The following ARHGAP8 variants were observed in gnomAD, a reference collection of about 807,000 sequenced individuals.
The protein encoded by ARHGAP8 is Rho GTPase activating protein 8.
ARHGAP8 carries 62 observed loss-of-function variants against 46.1 expected under a neutral mutation model. The observed-to-expected ratio is 1.34, with a 90% CI of 1.10 to 1.66. The LOEUF is 1.66. ARHGAP8 is among the 40% of genes most tolerant of loss of function. The pLI is 0.00. For missense variants in ARHGAP8, 923 were observed against 568.4 expected, an observed-to-expected ratio of 1.62 and a Z score of -6.34; for synonymous variants, 375 against 243.1, an observed-to-expected ratio of 1.54 and a Z score of -5.05.
chr22:44,808,262 A>T (rs1209998512), intron 3 of ARHGAP8, 45 bp from the exon 4 acceptor site: 8 of 1,590,384 alleles, frequency 5.0e-6, no homozygotes, highest in Non-Finnish European at 6.0e-6. Flanking sequence ...GGTTTCAATA[A>T]TGAGTAGGTG....
chr22:44,788,613 C>G (rs753519717), intron 2 of ARHGAP8, among the ~76,000 whole-genome samples: 1 of 152,032 alleles, frequency 6.6e-6, no homozygotes, highest in Non-Finnish European at 1.5e-5. Flanking sequence ...AGGCTGGTCT[C>G]GAACTCCTGA....
chr22:44,753,261 T>C (rs1236658276), intron 1 of ARHGAP8, among the ~76,000 whole-genome samples: 1 of 151,228 alleles, frequency 6.6e-6, no homozygotes, highest in East Asian at 2.0e-4. Flanking sequence ...TCTTGCTCTG[T>C]CCCCAGGCTG....
intron 7 of ARHGAP8, among the ~76,000 whole-genome samples, chr22:44,832,404 T>G (rs1360930911): frequency 6.6e-6 from 1 of 151,984 alleles, no homozygotes; most frequent in Non-Finnish European, 1.5e-5. Context: ...TTTTGTATTT[T>G]TGGTAGAGAT....
At chr22:44,825,708 C>T (rs573854091) in intron 7 of ARHGAP8, 115 bp downstream of exon 7, 847 of 1,255,644 alleles carry the variant, frequency 6.7e-4, no homozygotes, top group Non-Finnish European at 8.5e-4. Context: ...CCAAGCTGAA[C>T]CCTGCAGGAA....
intron 5 of ARHGAP8, among the ~76,000 whole-genome samples, chr22:44,816,204 T>C (rs978974831): frequency 1.1e-4 from 17 of 152,266 alleles, no homozygotes; most frequent in Admixed American, 3.9e-4. Context: ...TCTCTTCTCG[T>C]GCCCCACAGA....
At chr22:44,817,260 T>C (rs1929820794) in intron 5 of ARHGAP8, among the ~76,000 whole-genome samples, 1 of 152,202 alleles carries the variant, frequency 6.6e-6, no homozygotes, top group Admixed American at 6.5e-5. Flanking sequence ...ACTGGGAGAA[T>C]TCCCAGAGCA....
chr22:44,781,125 A>C (rs1926817257), intron 1 of ARHGAP8, among the ~76,000 whole-genome samples: 1 of 152,132 alleles, frequency 6.6e-6, no homozygotes, highest in Non-Finnish European at 1.5e-5. Context: ...AAATAACCAG[A>C]GGCGATCTTA....
intron 7 of ARHGAP8, among the ~76,000 whole-genome samples, chr22:44,839,780 C>G (rs1391548583): frequency 6.6e-6 from 1 of 152,242 alleles, no homozygotes; most frequent in African/African-American, 2.4e-5. Flanking sequence ...CTTCCGTTAC[C>G]TGTTACCACT....
chr22:44,817,676 CGCGTA>C (rs1321840885), intron 5 of ARHGAP8, among the ~76,000 whole-genome samples: 6 of 151,880 alleles, frequency 4.0e-5, no homozygotes, highest in African/African-American at 1.5e-4. Flanking sequence ...TGGTGGTGGG[CGCGTA>C]TAATCCCAGC....
At chr22:44,816,245 A>G (rs1274786039) in intron 5 of ARHGAP8, among the ~76,000 whole-genome samples, 1 of 152,120 alleles carries the variant, frequency 6.6e-6, no homozygotes, top group Admixed American at 6.6e-5. Flanking sequence ...CGCTCCGTGT[A>G]CAGGGAGCAC....
Position 44,849,004 on chromosome 22 carries a change from A to T in ARHGAP8, c.821A>T (p.Glu274Val). The T allele has an allele frequency of 6.2e-7, 1 of 1,614,000 alleles. No homozygotes were observed. The highest frequency in any genetic ancestry group is 8.5e-7 in the Non-Finnish European group (1 of 1,180,024). Reference sequence around the variant, plus strand: ...GTGATCCTGAAGACCTTCCTGCGAGAGCTGCCCCAGCCGCTTCTGACCTTC... The same window carrying T: ...GTGATCCTGAAGACCTTCCTGCGAGTGCTGCCCCAGCCGCTTCTGACCTTC... ...PAVILKTFLR[E>V]LPQPLLTFQA... The change falls in exon 10 of 12, where the codon GAG becomes GTG. Residue 274 changes from glutamate (E) to valine (V), a missense_variant. Glu to Val is a moderately radical substitution (Grantham distance 121, BLOSUM62 -2). Transcript: ENST00000356099.
At chr22:44,763,439 C>T (rs932240466) in intron 1 of ARHGAP8, among the ~76,000 whole-genome samples, 1 of 147,128 alleles carries the variant, frequency 6.8e-6, no homozygotes, top group African/African-American at 2.6e-5. Context: ...AGAGGTTGCA[C>T]CGAGATCACG....
intron 11 of ARHGAP8, among the ~76,000 whole-genome samples, chr22:44,861,366 G>T (rs781243459): frequency 6.6e-6 from 1 of 152,206 alleles, no homozygotes; most frequent in Non-Finnish European, 1.5e-5. Context: ...GTGGTGTTGC[G>T]TGTTATCACC....
intron 1 of ARHGAP8, among the ~76,000 whole-genome samples, chr22:44,781,541 G>C (rs559385229): frequency 3.0e-4 from 45 of 151,932 alleles, no homozygotes; most frequent in Middle Eastern, 6.8e-3. Context: ...ATTTATTTTT[G>C]AGACAGAGTT....
At chr22:44,787,998 C>T (rs1221954869) in intron 2 of ARHGAP8, among the ~76,000 whole-genome samples, 1 of 147,136 alleles carries the variant, frequency 6.8e-6, no homozygotes, top group African/African-American at 2.5e-5. Context: ...AACACTGGAC[C>T]GAGTGTGAGG....
chr22:44,831,110 A>G (rs4823389), intron 7 of ARHGAP8, among the ~76,000 whole-genome samples: 30,592 of 152,032 alleles, frequency 0.2, 4,193 homozygotes, highest in East Asian at 0.73. Context: ...CTTCCGTCCT[A>G]TGTGTTGTCT....
chr22:44,814,888 C>G (rs1717037918), intron 5 of ARHGAP8, 130 bp downstream of exon 5: 1 of 1,088,562 alleles, frequency 9.2e-7, no homozygotes, highest in Non-Finnish European at 1.3e-6. Flanking sequence ...CTGGGGCTCC[C>G]TACCCGCCCT....
At chr22:44,789,352 T>C (rs770262682) in intron 2 of ARHGAP8, among the ~76,000 whole-genome samples, 21 of 152,010 alleles carry the variant, frequency 1.4e-4, no homozygotes, top group Non-Finnish European at 1.9e-4. Context: ...GGTTTTGCCA[T>C]GTTGGCCAGG....
At chr22:44,858,044 T>G (rs1004619174) in intron 10 of ARHGAP8, among the ~76,000 whole-genome samples, 3 of 152,246 alleles carry the variant, frequency 2.0e-5, no homozygotes, top group African/African-American at 7.2e-5. Context: ...GCCACCTGGC[T>G]CGGTTGAAAT....
Sources: gnomAD v4.1 joint callset for allele counts (sites outside exome capture counted in the v4.1 genomes callset) on GRCh38, gnomAD v4.1.1 for gene constraint, MANE v1.5 for transcripts, NCBI Gene and HGNC (gene_info 2026-07-23, HGNC 2026-07-21) for gene names.